ZCCHC24: variants seen among roughly 807,000 people sequenced by gnomAD.
ZCCHC24 encodes zinc finger CCHC-type containing 24.
In ZCCHC24, 10 loss-of-function variants were observed where a neutral mutation model predicts 26.2. The ratio of observed to expected loss-of-function variants is 0.38; its 90% CI spans 0.24 to 0.65. The LOEUF (loss-of-function observed/expected upper bound fraction) is 0.65, where lower values mean the gene tolerates loss of function less well. Ranked by LOEUF, ZCCHC24 falls within the 30% of genes least tolerant of loss-of-function variation. ZCCHC24 has a pLI of 0.54. For missense variants in ZCCHC24, 243 were observed against 329.1 expected (o/e 0.74, Z 2.03); for synonymous variants, 144 against 147.1 (o/e 0.98, Z 0.15).
At chr10:79,410,865 C>A (rs188050168) in intron 2 of ZCCHC24, among the ~76,000 whole-genome samples, 2 of 151,938 alleles carry the variant, frequency 1.3e-5, no homozygotes, top group South Asian at 4.2e-4. Flanking sequence ...GTTGAGTCAG[C>A]AGCACTTGGG....
At position 79,382,986 on chromosome 10, in the gene ZCCHC24, C is replaced by T. The variant is rs1856342185; in HGVS notation, c.*3359G>A. On this transcript the variant is annotated 3_prime_UTR_variant, in exon 4 of 4. Coordinates refer to ENST00000372336, the MANE Select transcript of ZCCHC24 (RefSeq NM_153367.4). ...AGCTGCTTCTTCCCCTTGCCCACTC[C>T]CTGTCCCTCTACAAAATTAATAAAA... 6.6e-6 allele frequency: 1 copy of T among 152,580 alleles called. No homozygotes were observed. Among genetic ancestry groups the T allele is most frequent in the Non-Finnish European group, 1.5e-5 (1 of 68,042 alleles). 9.5% of individuals were successfully genotyped at this position (152,580 alleles called of 1,614,324 possible). A position where few individuals can be genotyped will look rare whatever the true frequency, so the allele number is the denominator to read the frequency against.
intron 2 of ZCCHC24, among the ~76,000 whole-genome samples, chr10:79,415,535 T>C (rs562205964): frequency 6.6e-6 from 1 of 152,334 alleles, no homozygotes; most frequent in South Asian, 2.1e-4. Flanking sequence ...CCTTTTGCCT[T>C]CCTGGGTGAA....
intron 2 of ZCCHC24, among the ~76,000 whole-genome samples, chr10:79,406,678 C>T (rs559596393): frequency 2.6e-5 from 4 of 152,330 alleles, no homozygotes; most frequent in African/African-American, 7.2e-5. Flanking sequence ...CTCCCTGTAA[C>T]CCCTACAGAT....
chr10:79,437,616 G>C (rs958365927), intron 1 of ZCCHC24, among the ~76,000 whole-genome samples: 1 of 152,186 alleles, frequency 6.6e-6, no homozygotes. Flanking sequence ...AAAATGCCAG[G>C]TGCGGACCAC....
intron 2 of ZCCHC24, among the ~76,000 whole-genome samples, chr10:79,421,426 C>CCT (rs113513020): frequency 0.034 from 4,207 of 122,402 alleles, 223 homozygotes; most frequent in African/African-American, 0.11. Flanking sequence ...CCCTCTTCTC[C>CCT]CTCTCCCTTC....
chr10:79,425,436 T>C (rs1857012962), intron 2 of ZCCHC24, among the ~76,000 whole-genome samples: 1 of 152,210 alleles, frequency 6.6e-6, no homozygotes. Context: ...TCTGCCCACA[T>C]TGTCCTTGAC....
chr10:79,421,180 C>G (rs1435649628), intron 2 of ZCCHC24, among the ~76,000 whole-genome samples: 1 of 152,142 alleles, frequency 6.6e-6, no homozygotes, highest in African/African-American at 2.4e-5. Flanking sequence ...ACCTGCCAAA[C>G]GGCAGGCACG....
intron 2 of ZCCHC24, among the ~76,000 whole-genome samples, chr10:79,410,115 C>T (rs1007990901): frequency 6.6e-6 from 1 of 152,222 alleles, no homozygotes; most frequent in East Asian, 1.9e-4. Flanking sequence ...TTGCTGTTCC[C>T]TCTGCCAGGA....
Position 79,445,348 on chromosome 10 carries a change from C to T in ZCCHC24, c.93G>A (p.Thr31=), listed in dbSNP as rs530553922. Reference sequence around the variant, plus strand: ...AGGCATCGAAGGCGCTAGCCTGGTGCGTGTCCTGCAGCGACAGGTAGACCC... The same window carrying T: ...AGGCATCGAAGGCGCTAGCCTGGTGTGTGTCCTGCAGCGACAGGTAGACCC... The part of the protein sequence containing the change: ...LNWVYLSLQD[T]HQASAFDAFR... The change falls in exon 1 of 4, where the codon ACG becomes ACA. Residue 31 remains threonine, a synonymous_variant. Transcript: ENST00000372336. The T allele has an allele frequency of 1.3e-6, 2 of 1,536,560 alleles. No homozygotes were observed. Among genetic ancestry groups the T allele is most frequent in the Admixed American group, 2.0e-5 (1 of 49,560 alleles).
intron 2 of ZCCHC24, among the ~76,000 whole-genome samples, chr10:79,407,349 G>T (rs1026980109): frequency 2.0e-5 from 3 of 152,354 alleles, no homozygotes; most frequent in Middle Eastern, 3.4e-3. Flanking sequence ...CCAGCAGGAA[G>T]TGAAGGCTCA....
intron 2 of ZCCHC24, among the ~76,000 whole-genome samples, chr10:79,425,115 C>T (rs948398132): frequency 1.8e-4 from 27 of 152,210 alleles, no homozygotes; most frequent in African/African-American, 3.1e-4. Flanking sequence ...TGTGGCACTG[C>T]GCCAGGCCCC....
intron 1 of ZCCHC24, among the ~76,000 whole-genome samples, chr10:79,435,529 C>T (rs1857204119): frequency 6.6e-6 from 1 of 152,234 alleles, no homozygotes; most frequent in Non-Finnish European, 1.5e-5. Context: ...GAGGCCAGAG[C>T]TTCCCCTCCT....
intron 2 of ZCCHC24, among the ~76,000 whole-genome samples, chr10:79,395,368 G>C (rs142279050): frequency 1.3e-5 from 2 of 152,208 alleles, no homozygotes; most frequent in Non-Finnish European, 2.9e-5. Context: ...GCTTGTTTCT[G>C]TTCTCCCATT....
intron 2 of ZCCHC24, among the ~76,000 whole-genome samples, chr10:79,420,138 C>G (rs1398956030): frequency 6.8e-6 from 1 of 146,326 alleles, no homozygotes; most frequent in South Asian, 2.3e-4. Flanking sequence ...CTTCCCTGGG[C>G]CATAGGGGAA....
At chr10:79,400,322 C>T (rs971805527) in intron 2 of ZCCHC24, among the ~76,000 whole-genome samples, 3 of 152,152 alleles carry the variant, frequency 2.0e-5, no homozygotes, top group Admixed American at 2.0e-4. Flanking sequence ...CTGGAATGAG[C>T]GAAACATTCA....
intron 1 of ZCCHC24, among the ~76,000 whole-genome samples, 189 bp downstream of exon 1, chr10:79,445,006 C>T (rs1208960580): frequency 2.0e-5 from 3 of 152,192 alleles, no homozygotes; most frequent in African/African-American, 7.2e-5. Flanking sequence ...GGAGGTGACG[C>T]GCACCCGGCA....
rs1185596205 is a variant in ZCCHC24, at chr10:79,432,859, T to C, written c.247-101A>G. ...CATGGATTCACACTGAGTCTTCAGC[T>C]ACCCGAGGGCTCTGGGCTCCAGAAG... On this transcript the variant is annotated intron_variant, in intron 1 of 3. Coordinates refer to ENST00000372336, the MANE Select transcript of ZCCHC24 (RefSeq NM_153367.4). 6 of 1,308,848 alleles carry C rather than the reference T, an allele frequency of 4.6e-6. No individual in the cohort carries two copies. The East Asian group carries it at 1.6e-4, about 35-fold the overall frequency. 81.1% of individuals were successfully genotyped at this position (1,308,848 alleles called of 1,614,324 possible).
At chr10:79,395,713 C>T (rs1397964292) in intron 2 of ZCCHC24, among the ~76,000 whole-genome samples, 2 of 152,176 alleles carry the variant, frequency 1.3e-5, no homozygotes, top group African/African-American at 4.8e-5. Context: ...ACTAATTGTT[C>T]ATACTTTTTG....
rs374859358 is a variant in ZCCHC24 at position 79,386,479 on chromosome 10, G to A, written c.613-21C>T. The A allele has an allele frequency of 1.9e-6, 3 of 1,566,932 alleles. No homozygotes were observed. In the African/African-American group the frequency reaches 4.1e-5, roughly 21 times the overall value. On this transcript the variant is annotated intron_variant, in intron 3 of 3. Coordinates refer to ENST00000372336, the MANE Select transcript of ZCCHC24 (RefSeq NM_153367.4). ...GGTCTCTGCAGAGAGAAGGAGGAAG[G>A]GGCCCAGGGGAGTGAGGGGAGAGAA... is the stretch of plus-strand genomic sequence containing the variant.
Sources: allele counts gnomAD v4.1 joint callset (sites outside exome capture counted in the v4.1 genomes callset), GRCh38; gene constraint gnomAD v4.1.1; transcripts MANE v1.5; gene names NCBI Gene and HGNC (gene_info 2026-07-23, HGNC 2026-07-21).